CDC42SE2: variants seen among roughly 807,000 people sequenced by gnomAD.
CDC42SE2 encodes the protein CDC42 small effector 2.
CDC42SE2 carries 3 observed loss-of-function variants against 11.5 expected under a neutral mutation model. The ratio of observed to expected loss-of-function variants is 0.26; its 90% CI spans 0.12 to 0.67. CDC42SE2 has a LOEUF of 0.67. CDC42SE2 is among the 30% of genes least tolerant of loss of function. CDC42SE2 has a pLI of 0.80. For synonymous variants in CDC42SE2, 33 were observed against 34.8 expected, an observed-to-expected ratio of 0.95 and a Z score of 0.18; for missense variants, 82 against 106.8, an observed-to-expected ratio of 0.77 and a Z score of 1.02.
chr5:131,302,185 C>CT (rs770730295), intron 1 of CDC42SE2, among the ~76,000 whole-genome samples: 46 of 140,520 alleles, frequency 3.3e-4, no homozygotes, highest in Middle Eastern at 3.7e-3. Flanking sequence ...GTTTTGGTTG[C>CT]TTTTTTTTTT....
chr5:131,314,441 G>A (rs9327608), intron 1 of CDC42SE2, among the ~76,000 whole-genome samples: 116,268 of 151,888 alleles, frequency 0.77, 44,865 homozygotes, highest in Middle Eastern at 0.81. Context: ...GGGTCTCCCT[G>A]TGTTTCCCAG....
the CDC42SE2 span, among the ~76,000 whole-genome samples, chr5:131,217,486 A>G: frequency 2.6e-5 from 4 of 152,242 alleles, no homozygotes; most frequent in Non-Finnish European, 4.4e-5. Flanking sequence ...ATGATTTAGA[A>G]AAGTTATCTT....
At chr5:131,322,143 C>T (rs982404748) in intron 2 of CDC42SE2, among the ~76,000 whole-genome samples, 1 of 152,124 alleles carries the variant, frequency 6.6e-6, no homozygotes, top group Non-Finnish European at 1.5e-5. Flanking sequence ...AGCCACCACG[C>T]CTGGCAGAAA....
At chr5:131,224,733 T>A in the CDC42SE2 span, among the ~76,000 whole-genome samples, 1 of 151,774 alleles carries the variant, frequency 6.6e-6, no homozygotes, top group Admixed American at 6.6e-5. Context: ...AGAACGAAAG[T>A]CAAAATTCTT....
At chr5:131,388,746 A>AT (rs1389519953) in intron 4 of CDC42SE2, among the ~76,000 whole-genome samples, 1 of 152,268 alleles carries the variant, frequency 6.6e-6, no homozygotes, top group Admixed American at 6.5e-5. Flanking sequence ...CAAATCTTTT[A>AT]AATTGAAGAA....
rs1017934988 is a variant in CDC42SE2 at position 131,385,656 on chromosome 5, G to A, written c.156+12G>A. ...GTGGAATGAATTCAGTAAGTATGTT[G>A]GTGGGACATGCAGGTAGGGCATTGG... On this transcript the variant is annotated intron_variant, in intron 4 of 4. Coordinates refer to ENST00000505065, the MANE Select transcript of CDC42SE2 (RefSeq NM_001375635.1). The A allele has an allele frequency of 6.4e-7, 1 of 1,556,288 alleles. No homozygotes were observed. Among genetic ancestry groups the A allele is most frequent in the African/African-American group, 1.4e-5 (1 of 73,710 alleles).
chr5:131,287,774 G>A (rs756227254), intron 1 of CDC42SE2, among the ~76,000 whole-genome samples: 2 of 152,154 alleles, frequency 1.3e-5, no homozygotes, highest in African/African-American at 2.4e-5. Context: ...ATATCCTACC[G>A]AAATTTTCTT....
intron 1 of CDC42SE2, among the ~76,000 whole-genome samples, chr5:131,294,141 G>T (rs1052666557): frequency 1.3e-5 from 2 of 152,102 alleles, no homozygotes; most frequent in African/African-American, 4.8e-5. Flanking sequence ...TGAAAAGTAC[G>T]CACAATATTG....
At chr5:131,347,147 C>G (rs554479714) in intron 2 of CDC42SE2, among the ~76,000 whole-genome samples, 4 of 152,104 alleles carry the variant, frequency 2.6e-5, no homozygotes, top group Non-Finnish European at 4.4e-5. Context: ...TAACTAAGAT[C>G]AGAGCTGAAC....
the CDC42SE2 span, among the ~76,000 whole-genome samples, chr5:131,230,450 C>CA: frequency 2.6e-5 from 4 of 152,046 alleles, no homozygotes; most frequent in African/African-American, 9.7e-5. Context: ...GGCGAAGGGG[C>CA]AAAAAAGTGA....
intron 2 of CDC42SE2, among the ~76,000 whole-genome samples, chr5:131,342,104 A>C (rs1482702433): frequency 6.6e-6 from 1 of 151,716 alleles, no homozygotes; most frequent in Non-Finnish European, 1.5e-5. Context: ...ACATGGTGAT[A>C]CCCCATCTCT....
chr5:131,229,805 G>A, the CDC42SE2 span, among the ~76,000 whole-genome samples: 7 of 152,130 alleles, frequency 4.6e-5, no homozygotes, highest in Admixed American at 3.3e-4. Flanking sequence ...ATGGTGGCAC[G>A]AGCCTGTAGT....
chr5:131,250,360 A>T (rs891270501), intron 1 of CDC42SE2, among the ~76,000 whole-genome samples: 2 of 152,226 alleles, frequency 1.3e-5, no homozygotes, highest in African/African-American at 4.8e-5. Flanking sequence ...TTAGTTGAAA[A>T]GAATAGGTTC....
chr5:131,245,581 T>C (rs1049141090), exon 1 of CDC42SE2: 3 of 152,236 alleles, frequency 2.0e-5, no homozygotes, highest in Middle Eastern at 3.2e-3. Flanking sequence ...CTTACCATGG[T>C]TCACTGGGAC....
chr5:131,390,883 C>A, intron 4 of CDC42SE2, 110 bp from the exon 5 acceptor site: 1 of 595,530 alleles, frequency 1.7e-6, no homozygotes, highest in Non-Finnish European at 2.8e-6. Context: ...ATAAAAGTAC[C>A]CTTCTGAAAA....
At chr5:131,285,157 A>G (rs1035652177) in intron 1 of CDC42SE2, among the ~76,000 whole-genome samples, 1 of 151,736 alleles carries the variant, frequency 6.6e-6, no homozygotes, top group African/African-American at 2.4e-5. Flanking sequence ...GAGGTGGTAT[A>G]CACCTTTGTC....
rs750478305 is a variant in CDC42SE2, at chr5:131,385,641, T to C, written c.153T>C (p.Asn51=). Residue 51 remains asparagine (N), a synonymous_variant, in exon 4 of 5, where the codon AAT becomes AAC. Transcript: ENST00000505065. ...CAGGAGACCTGTTCAGTGGAATGAA[T>C]TCAGTAAGTATGTTGGTGGGACATG... ...VGSGDLFSGM[N]SVSSIQNQMQ... 1.2e-6 allele frequency: 2 copies of C among 1,603,028 alleles called. No individual in the cohort carries two copies. The highest frequency in any genetic ancestry group is 2.2e-5 in the South Asian group (2 of 90,786).
At chr5:131,389,341 C>A (rs559481022) in intron 4 of CDC42SE2, among the ~76,000 whole-genome samples, 5 of 152,164 alleles carry the variant, frequency 3.3e-5, no homozygotes, top group Admixed American at 2.6e-4. Context: ...GTTTAAAAAA[C>A]AAACAAACAA....
chr5:131,375,351 C>T (rs1204532135), intron 3 of CDC42SE2, among the ~76,000 whole-genome samples: 2 of 152,212 alleles, frequency 1.3e-5, no homozygotes, highest in Admixed American at 6.5e-5. Flanking sequence ...GGACAGATAC[C>T]GACAGCACCA....
Sources: allele counts gnomAD v4.1 joint callset (sites outside exome capture counted in the v4.1 genomes callset), GRCh38; gene constraint gnomAD v4.1.1; transcripts MANE v1.5; gene names NCBI Gene and HGNC (gene_info 2026-07-23, HGNC 2026-07-21).